LYPLAL1: variants seen among roughly 807,000 people sequenced by gnomAD.
LYPLAL1 encodes lysophospholipase-like protein 1.
A neutral mutation model predicts 19.7 loss-of-function variants in LYPLAL1; 23 were observed. That is an observed-to-expected ratio of 1.17 (90% CI 0.84 to 1.65). LYPLAL1 has a LOEUF of 1.65. LYPLAL1 is among the 40% of genes most tolerant of loss of function. The probability of loss-of-function intolerance (pLI) is 0.00; values close to 1 mark genes in which losing one functional copy is unlikely to be tolerated. For missense variants in LYPLAL1, 355 were observed against 279.4 expected (o/e 1.27, Z -1.93); for synonymous variants, 119 against 96.3 (o/e 1.24, Z -1.38).
At chr1:219,323,726 G>A in the LYPLAL1 span, among the ~76,000 whole-genome samples, 1 of 151,986 alleles carries the variant, frequency 6.6e-6, no homozygotes, top group African/African-American at 2.4e-5. Flanking sequence ...AAGGGAAGAG[G>A]GCAAAGGCAA....
At chr1:219,374,956 C>A in the LYPLAL1 span, among the ~76,000 whole-genome samples, 1 of 152,210 alleles carries the variant, frequency 6.6e-6, no homozygotes, top group Non-Finnish European at 1.5e-5. Flanking sequence ...TCCCTTCCAT[C>A]TCCTTATTCA....
chr1:219,202,317 T>G (rs1347131083), intron 3 of LYPLAL1, among the ~76,000 whole-genome samples: 2 of 152,232 alleles, frequency 1.3e-5, no homozygotes, highest in Admixed American at 6.5e-5. Context: ...CATCCTATGG[T>G]CACCTGGATA....
chr1:219,331,204 A>G, the LYPLAL1 span, among the ~76,000 whole-genome samples: 2 of 152,262 alleles, frequency 1.3e-5, no homozygotes, highest in East Asian at 1.9e-4. Context: ...CTTTGATTTT[A>G]TGACTCCCAG....
chr1:219,287,183 C>T, the LYPLAL1 span, among the ~76,000 whole-genome samples: 4 of 152,080 alleles, frequency 2.6e-5, no homozygotes, highest in Non-Finnish European at 5.9e-5. Flanking sequence ...TCTTTTTATC[C>T]GAATGCAGGA....
chr1:219,358,998 A>C, the LYPLAL1 span, among the ~76,000 whole-genome samples: 3 of 152,112 alleles, frequency 2.0e-5, no homozygotes, highest in African/African-American at 7.2e-5. Flanking sequence ...CAATTTATAG[A>C]GACATAAGTT....
At chr1:219,410,221 A>G in the LYPLAL1 span, 2 of 152,230 alleles carry the variant, frequency 1.3e-5, no homozygotes, top group African/African-American at 4.8e-5. Context: ...TATCACATAC[A>G]TCTTCACTGG....
the LYPLAL1 span, among the ~76,000 whole-genome samples, chr1:219,269,642 A>G: frequency 6.6e-6 from 1 of 152,172 alleles, no homozygotes; most frequent in Admixed American, 6.5e-5. Context: ...ATTTTGTTTT[A>G]TAAATACATC....
At chr1:219,352,875 T>C in the LYPLAL1 span, among the ~76,000 whole-genome samples, 1 of 152,220 alleles carries the variant, frequency 6.6e-6, no homozygotes, top group African/African-American at 2.4e-5. Flanking sequence ...TCAGTACTGA[T>C]TCTTCTCAAA....
the LYPLAL1 span, among the ~76,000 whole-genome samples, chr1:219,309,229 G>A: frequency 6.6e-6 from 1 of 152,168 alleles, no homozygotes; most frequent in Non-Finnish European, 1.5e-5. Context: ...CTCCCATCTG[G>A]AATGGCTGTA....
the LYPLAL1 span, among the ~76,000 whole-genome samples, chr1:219,377,325 G>A: frequency 6.6e-6 from 1 of 152,166 alleles, no homozygotes; most frequent in East Asian, 1.9e-4. Flanking sequence ...TGTTTCTAGG[G>A]ACTAGAGAGA....
the LYPLAL1 span, among the ~76,000 whole-genome samples, chr1:219,329,415 CAA>C: frequency 1.3e-5 from 2 of 152,134 alleles, no homozygotes; most frequent in East Asian, 3.9e-4. Flanking sequence ...TTAGCAATGA[CAA>C]TCATGCCTTA....
chr1:219,352,120 G>A, the LYPLAL1 span, among the ~76,000 whole-genome samples: 1 of 152,216 alleles, frequency 6.6e-6, no homozygotes, highest in Non-Finnish European at 1.5e-5. Context: ...CTTAAGGTCT[G>A]CAGACAACCA....
the LYPLAL1 span, among the ~76,000 whole-genome samples, chr1:219,307,040 ATGTATATATATATATAT>A: frequency 2.9e-5 from 1 of 33,956 alleles, no homozygotes; most frequent in South Asian, 1.5e-3. Flanking sequence ...ATATATATAT[ATGTATATATATATATAT>A]AATCATCTCA....
rs190918169 is a variant in LYPLAL1 at position 219,176,988 on chromosome 1, A to T, written c.92-2159A>T. Among the ~76,000 whole-genome samples the T allele has an allele frequency of 3.5e-4, 54 of 152,366 alleles. No homozygotes were observed. The East Asian group carries it at 9.8e-3, about 28-fold the overall frequency. On this transcript the variant is annotated intron_variant, in intron 1 of 4. Coordinates refer to ENST00000366928, the MANE Select transcript of LYPLAL1 (RefSeq NM_138794.5). ...ACTATAGTAGAAGGTAGTAAGTTTT[A>T]TGGAAACAAGGAAAGCAGGATAAGG...
the LYPLAL1 span, among the ~76,000 whole-genome samples, chr1:219,223,461 A>G: frequency 6.6e-6 from 1 of 152,172 alleles, no homozygotes; most frequent in Non-Finnish European, 1.5e-5. Flanking sequence ...ATTATATTCA[A>G]AATATTGAGT....
the LYPLAL1 span, among the ~76,000 whole-genome samples, chr1:219,263,997 C>T: frequency 6.6e-6 from 1 of 152,196 alleles, no homozygotes; most frequent in African/African-American, 2.4e-5. Flanking sequence ...TGTGAGTCTT[C>T]ACATGCTGTC....
the LYPLAL1 span, among the ~76,000 whole-genome samples, chr1:219,295,812 C>A: frequency 6.6e-6 from 1 of 152,136 alleles, no homozygotes; most frequent in Non-Finnish European, 1.5e-5. Flanking sequence ...AGAATCAAAT[C>A]CAAAATCCTC....
At chr1:219,233,549 T>C in the LYPLAL1 span, among the ~76,000 whole-genome samples, 4 of 152,134 alleles carry the variant, frequency 2.6e-5, no homozygotes, top group African/African-American at 9.7e-5. Flanking sequence ...AAGTGAGTCG[T>C]TTGAACCCAG....
the LYPLAL1 span, among the ~76,000 whole-genome samples, chr1:219,240,091 A>C: frequency 6.6e-6 from 1 of 152,242 alleles, no homozygotes; most frequent in Non-Finnish European, 1.5e-5. Flanking sequence ...ATTTCATAGC[A>C]TATTACACTA....
Sources: gnomAD v4.1 joint callset for allele counts (sites outside exome capture counted in the v4.1 genomes callset) on GRCh38, gnomAD v4.1.1 for gene constraint, MANE v1.5 for transcripts, NCBI Gene and HGNC (gene_info 2026-07-23, HGNC 2026-07-21) for gene names.